The following HELQ variants were observed in gnomAD, a reference collection of about 807,000 sequenced individuals.
HELQ encodes the protein helicase, POLQ like.
A neutral mutation model predicts 111.6 loss-of-function variants in HELQ; 77 were observed. The ratio of observed to expected loss-of-function variants is 0.69; its 90% CI spans 0.57 to 0.83. The LOEUF (loss-of-function observed/expected upper bound fraction) is 0.83, where lower values mean the gene tolerates loss of function less well. Among genes scored for constraint, HELQ ranks in the 40% least tolerant of loss-of-function variants. The probability of loss-of-function intolerance (pLI) is 0.00; values close to 1 mark genes in which losing one functional copy is unlikely to be tolerated. For synonymous variants in HELQ, 438 were observed against 454.7 expected, an observed-to-expected ratio of 0.96 and a Z score of 0.47; for missense variants, 1,200 against 1,288.5, an observed-to-expected ratio of 0.93 and a Z score of 1.05.
chr4:83,410,405 T>G (rs1247596287), intron 17 of HELQ, among the ~76,000 whole-genome samples: 1 of 152,226 alleles, frequency 6.6e-6, no homozygotes, highest in Admixed American at 6.5e-5. Flanking sequence ...TTATATACTC[T>G]CAGACTGAAG....
chr4:83,435,377 G>A (rs926946888), intron 9 of HELQ, among the ~76,000 whole-genome samples: 5 of 152,102 alleles, frequency 3.3e-5, no homozygotes, highest in Admixed American at 6.5e-5. Context: ...AGACAAAAAT[G>A]AGCAACATTG....
At chr4:83,443,430 A>G in intron 6 of HELQ, 87 bp downstream of exon 6, 1 of 613,448 alleles carries the variant, frequency 1.6e-6, no homozygotes, top group Non-Finnish European at 2.8e-6. Context: ...ACTCTACAGA[A>G]TTCTTTAAAT....
intron 5 of HELQ, among the ~76,000 whole-genome samples, chr4:83,444,203 T>C (rs578156211): frequency 9.2e-5 from 14 of 152,198 alleles, no homozygotes; most frequent in African/African-American, 3.4e-4. Flanking sequence ...TAAATGAGTA[T>C]AAATCTGCTT....
intron 2 of HELQ, among the ~76,000 whole-genome samples, chr4:83,452,459 G>C (rs1721440199): frequency 6.6e-6 from 1 of 152,168 alleles, no homozygotes; most frequent in African/African-American, 2.4e-5. Flanking sequence ...ATGCACCCGT[G>C]GGGAGAGGTA....
intron 17 of HELQ, among the ~76,000 whole-genome samples, chr4:83,413,498 T>C (rs930621002): frequency 2.0e-5 from 3 of 152,124 alleles, no homozygotes; most frequent in Admixed American, 6.5e-5. Context: ...GTTAATATAT[T>C]TTGCATGTGG....
chr4:83,411,048 T>G (rs1166114285), intron 17 of HELQ, among the ~76,000 whole-genome samples: 1 of 150,252 alleles, frequency 6.7e-6, no homozygotes, highest in Non-Finnish European at 1.5e-5. Flanking sequence ...TGGTCCCAGC[T>G]ACTTGGGAGG....
intron 14 of HELQ, among the ~76,000 whole-genome samples, chr4:83,423,163 T>C (rs890250728): frequency 3.6e-4 from 55 of 152,258 alleles, no homozygotes; most frequent in African/African-American, 1.3e-3. Flanking sequence ...TTGGGAGTGG[T>C]AGCTCACACC....
At chr4:83,424,486 C>G (rs1006295832) in intron 14 of HELQ, among the ~76,000 whole-genome samples, 1 of 152,178 alleles carries the variant, frequency 6.6e-6, no homozygotes, top group Non-Finnish European at 1.5e-5. Context: ...TCCTGAAACT[C>G]CTGAGTACAA....
At position 83,446,868 on chromosome 4, in the gene HELQ, TC is replaced by T. The variant is rs757500765; in HGVS notation, c.1358del (p.Arg453LysfsTer10). 4.9e-5 allele frequency: 79 copies of T among 1,613,550 alleles called. 2 individuals carry two copies. Among genetic ancestry groups the T allele is most frequent in the Non-Finnish European group, 6.4e-5 (75 of 1,179,606 alleles). On this transcript the variant is annotated frameshift_variant, in exon 4 of 18. Transcript: ENST00000295488. LOFTEE classifies it high-confidence loss of function. Reference protein sequence around the residue: ...SLVNSLIETGRIDSLGLVVVD... With the variant: ...SLVNSLIETGXIDSLGLVVVD... ...CAACAACCAGACCCAGACTGTCAAT[TC>T]TTCCAGTTTCAATCAAGGAGTTCAC...
rs1415569625 is a variant in HELQ at position 83,437,083 on chromosome 4, T to C, written c.1823A>G (p.His608Arg). ...CACCTCACATTTTTCTTTCTCCTTA[T>C]GTTTCAGATATTCCCTATGAAAAAG... is the stretch of plus-strand genomic sequence containing the variant. Reference protein sequence around the residue: ...CKFLSKEYLKHKEKEKCEVIK... With the variant: ...CKFLSKEYLKRKEKEKCEVIK... The change falls in exon 9 of 18, where the codon CAT becomes CGT. Residue 608 changes from histidine (H) to arginine (R), a missense_variant. This residue lies in a region of HELQ where 585 missense variants were observed against 665.3 expected (regional missense o/e 0.88). Transcript: ENST00000295488. 3 of 1,613,414 alleles carry C rather than the reference T, an allele frequency of 1.9e-6. No individual in the cohort carries two copies. The highest frequency in any genetic ancestry group is 3.3e-5 in the Admixed American group (2 of 60,004).
chr4:83,415,109 G>A (rs999122657), intron 17 of HELQ, among the ~76,000 whole-genome samples: 6 of 152,174 alleles, frequency 3.9e-5, no homozygotes, highest in Admixed American at 1.3e-4. Flanking sequence ...AAGAAGCCAA[G>A]CAATTTCAGA....
In HELQ at chr4:83,455,254, C is replaced by T. The variant is rs1721693291; in HGVS notation, c.297+143G>A. 7 of 1,481,788 alleles carry T rather than the reference C, an allele frequency of 4.7e-6. No individual in the cohort carries two copies. The South Asian group carries it at 9.8e-5, about 21-fold the overall frequency. 91.8% of individuals were successfully genotyped at this position (1,481,788 alleles called of 1,614,324 possible). A position where few individuals can be genotyped will look rare whatever the true frequency, so the allele number is the denominator to read the frequency against. ...CATATTTATATAGAAATGTAAATAA[C>T]AAGGCAATCAATACCTCCTAAGTGC... On this transcript the variant is annotated intron_variant, in intron 1 of 17. Transcript: ENST00000295488.
In HELQ at chr4:83,455,501, G is replaced by A; in HGVS notation, c.193C>T (p.Pro65Ser). Residue 65 changes from proline to serine, a missense_variant, in exon 1 of 18, where the codon CCC (proline) becomes TCC (serine). Around this residue, in one of 3 missense-constraint regions of HELQ, gnomAD observed 610 missense variants for 607.1 expected, o/e 1.00. Transcript: ENST00000295488. ...TAGVLPVEVQ[P>S]LLLSDSPECL... ...TCCGGGGAATCTGAGAGTAGAAGGG[G>A]CTGTACCTCAACCGGCAGTACGCCC... 6.2e-7 allele frequency: 1 copy of A among 1,614,128 alleles called. No homozygotes were observed.
chr4:83,444,246 G>A (rs757387951), intron 5 of HELQ, among the ~76,000 whole-genome samples: 5 of 152,176 alleles, frequency 3.3e-5, no homozygotes, highest in Non-Finnish European at 4.4e-5. Context: ...TTTACGAAGA[G>A]CTATGATATG....
intron 3 of HELQ, among the ~76,000 whole-genome samples, chr4:83,447,976 G>A (rs1311703135): frequency 6.6e-6 from 1 of 151,984 alleles, no homozygotes; most frequent in South Asian, 2.1e-4. Flanking sequence ...TTGGGGGGCC[G>A]AGGTGGGAGG....
intron 2 of HELQ, among the ~76,000 whole-genome samples, chr4:83,451,651 G>GA (rs898893376): frequency 4.0e-5 from 6 of 150,420 alleles, no homozygotes; most frequent in Admixed American, 3.9e-4. Context: ...GGCAACACGC[G>GA]AGACTCCGTC....
chr4:83,449,307 G>T (rs6535476), intron 2 of HELQ, among the ~76,000 whole-genome samples: 20,420 of 152,230 alleles, frequency 0.13, 4,528 homozygotes, highest in African/African-American at 0.46. Context: ...GTGTGAATTC[G>T]AATGTCTTCC....
chr4:83,453,469 A>T lies in HELQ; in HGVS notation c.774T>A (p.Asp258Glu), dbSNP rs756216644. The change falls in exon 2 of 18, where the codon GAT (aspartate) becomes GAA (glutamate). Residue 258 changes from aspartate to glutamate, a missense_variant. Around this residue, in one of 3 missense-constraint regions of HELQ, gnomAD observed 610 missense variants for 607.1 expected, o/e 1.00. Coordinates refer to ENST00000295488, the MANE Select transcript of HELQ (RefSeq NM_133636.5). ...ESSSKVRTSS[D>E]MNRRKSIKDH... is the part of the protein sequence containing the mutation. ...CTTTAATACTTTTTCTCCTGTTCAT[A>T]TCTGAACTAGTTCTGACTTTGGAAG... 1 of 1,611,432 alleles carries T rather than the reference A, an allele frequency of 6.2e-7. No individual in the cohort carries two copies. Among genetic ancestry groups the T allele is most frequent in the East Asian group, 2.2e-5 (1 of 44,856 alleles).
At chr4:83,418,319 A>C in intron 15 of HELQ, 113 bp from the exon 16 acceptor site, 1 of 526,542 alleles carries the variant, frequency 1.9e-6, no homozygotes, top group East Asian at 3.2e-5. Flanking sequence ...CTGGAACTTG[A>C]GTTAAGCCAG....
Sources: allele counts gnomAD v4.1 joint callset (sites outside exome capture counted in the v4.1 genomes callset), GRCh38; gene constraint gnomAD v4.1.1; regional missense constraint gnomAD v4.1.1; transcripts MANE v1.5; gene names NCBI Gene and HGNC (gene_info 2026-07-23, HGNC 2026-07-21).